The following DLGAP1 variants were observed in gnomAD, a reference collection of about 807,000 sequenced individuals.
DLGAP1 encodes DLG associated protein 1, also known as disks large-associated protein 1.
Under a neutral mutation model 90.8 loss-of-function variants are expected in DLGAP1, and 11 were observed. That is an observed-to-expected ratio of 0.12 (90% CI 0.08 to 0.20). The LOEUF is 0.20. Ranked by LOEUF, DLGAP1 falls within the 10% of genes least tolerant of loss-of-function variation. The pLI is 1.00. For missense variants in DLGAP1, 1,050 were observed against 1,333.8 expected (o/e 0.79, Z 3.31); for synonymous variants, 558 against 540.7 (o/e 1.03, Z -0.44).
intron 1 of DLGAP1, among the ~76,000 whole-genome samples, chr18:4,302,005 A>T (rs953023248): frequency 6.6e-6 from 1 of 151,964 alleles, no homozygotes; most frequent in Non-Finnish European, 1.5e-5. Context: ...CTTGCTATTG[A>T]ATTGTTTGAG....
In DLGAP1 at chr18:3,639,903, C is replaced by T. The variant is rs1211263893; in HGVS notation, c.1592-57655G>A. On this transcript the variant is annotated intron_variant, in intron 7 of 12. Transcript: ENST00000315677. Reference sequence around the variant, plus strand: ...CGGAGCAGCTGGGACTACAGGCGCCCGCCACCACACCCGGCTAATTTTTTG... The same window carrying T: ...CGGAGCAGCTGGGACTACAGGCGCCTGCCACCACACCCGGCTAATTTTTTG... Among the ~76,000 whole-genome samples the T allele has an allele frequency of 1.7e-4, 25 of 145,282 alleles. 2 individuals are homozygous for T. The highest frequency in any genetic ancestry group is 9.7e-4 in the East Asian group (5 of 5,146).
intron 11 of DLGAP1, among the ~76,000 whole-genome samples, chr18:3,506,099 G>A (rs2143729316): frequency 6.6e-6 from 1 of 152,192 alleles, no homozygotes; most frequent in East Asian, 1.9e-4. Flanking sequence ...TTAGCTGGGT[G>A]TGGTGGCGGG....
intron 7 of DLGAP1, among the ~76,000 whole-genome samples, chr18:3,627,603 A>C (rs1274104511): frequency 1.3e-5 from 2 of 152,108 alleles, no homozygotes; most frequent in African/African-American, 4.8e-5. Context: ...AATTTGAAAA[A>C]ACATACAGTA....
chr18:3,741,020 C>CCACCACCACCACCACCATCACAT (rs2062910692), intron 6 of DLGAP1, among the ~76,000 whole-genome samples: 1 of 74,984 alleles, frequency 1.3e-5, no homozygotes, highest in Non-Finnish European at 2.8e-5. Context: ...ACCACCATCA[C>CCACCACCACCACCACCATCACAT]CACCACCACC....
At chr18:3,543,986 AAAACAAAC>A (rs142786745) in intron 9 of DLGAP1, among the ~76,000 whole-genome samples, 68,500 of 151,532 alleles carry the variant, frequency 0.45, 19,240 homozygotes, top group African/African-American at 0.8. Context: ...TCCTCTTTAG[AAAACAAAC>A]AAACAAACAA....
At chr18:4,260,806 A>G (rs2078988066) in intron 1 of DLGAP1, among the ~76,000 whole-genome samples, 1 of 152,226 alleles carries the variant, frequency 6.6e-6, no homozygotes, top group Non-Finnish European at 1.5e-5. Flanking sequence ...GGAACTAATA[A>G]TAAGACATGG....
intron 7 of DLGAP1, among the ~76,000 whole-genome samples, chr18:3,723,383 T>C (rs2062045370): frequency 6.6e-6 from 1 of 152,220 alleles, no homozygotes. Flanking sequence ...ATAGCAATGC[T>C]ATTTTCCCTA....
intron 4 of DLGAP1, among the ~76,000 whole-genome samples, chr18:3,871,951 A>G (rs1450846660): frequency 6.6e-6 from 1 of 152,234 alleles, no homozygotes; most frequent in Non-Finnish European, 1.5e-5. Context: ...TGATATCACA[A>G]GCCTGATTTT....
chr18:4,233,718 A>T (rs1359638087), intron 1 of DLGAP1, among the ~76,000 whole-genome samples: 1 of 151,752 alleles, frequency 6.6e-6, no homozygotes, highest in Non-Finnish European at 1.5e-5. Context: ...ATATGTTAAA[A>T]CCCCCTCAGA....
chr18:4,218,759 C>T (rs1042177284), intron 1 of DLGAP1, among the ~76,000 whole-genome samples: 2 of 151,616 alleles, frequency 1.3e-5, no homozygotes, highest in African/African-American at 4.8e-5. Flanking sequence ...ATAATATCCT[C>T]CAGGTTAAGG....
At chr18:4,212,629 TC>T (rs1396721525) in intron 1 of DLGAP1, among the ~76,000 whole-genome samples, 11 of 57,500 alleles carry the variant, frequency 1.9e-4, no homozygotes, top group African/African-American at 4.6e-4. Context: ...AGACTCCATC[TC>T]AAAAAAAAAA....
At chr18:4,304,792 G>A (rs747503449) in intron 1 of DLGAP1, among the ~76,000 whole-genome samples, 5 of 152,188 alleles carry the variant, frequency 3.3e-5, no homozygotes, top group East Asian at 1.9e-4. Context: ...TTAGCTGGGC[G>A]CGGTGGCGGG....
At chr18:4,060,939 G>C (rs1004474888) in intron 2 of DLGAP1, among the ~76,000 whole-genome samples, 1 of 152,088 alleles carries the variant, frequency 6.6e-6, no homozygotes, top group Non-Finnish European at 1.5e-5. Flanking sequence ...AGGTTATTAG[G>C]CCTACTAAAT....
At chr18:4,206,430 G>C (rs904952764) in intron 1 of DLGAP1, among the ~76,000 whole-genome samples, 4 of 152,090 alleles carry the variant, frequency 2.6e-5, no homozygotes, top group African/African-American at 9.7e-5. Context: ...AAGGAACTAT[G>C]CCAGCTGAGG....
At chr18:4,040,119 G>T (rs1464477127) in intron 2 of DLGAP1, among the ~76,000 whole-genome samples, 2 of 152,160 alleles carry the variant, frequency 1.3e-5, no homozygotes, top group Non-Finnish European at 2.9e-5. Flanking sequence ...GTAGCCTAAT[G>T]GTTAAGAGTT....
chr18:3,748,171 G>T (rs1197653296), intron 5 of DLGAP1, among the ~76,000 whole-genome samples: 5 of 152,194 alleles, frequency 3.3e-5, no homozygotes, highest in African/African-American at 1.2e-4. Context: ...GGGAGATTTT[G>T]ATTTTTTGGG....
At chr18:4,314,509 C>T (rs147636704) in intron 1 of DLGAP1, among the ~76,000 whole-genome samples, 15 of 152,142 alleles carry the variant, frequency 9.9e-5, no homozygotes, top group East Asian at 9.7e-4. Flanking sequence ...GTTTCTACAA[C>T]GGTAATTAAA....
intron 4 of DLGAP1, among the ~76,000 whole-genome samples, chr18:3,859,142 G>A (rs769517873): frequency 1.4e-4 from 22 of 152,138 alleles, no homozygotes; most frequent in Non-Finnish European, 2.9e-4. Context: ...TTCAAATAGT[G>A]ATTTGAATGG....
intron 8 of DLGAP1, 93 bp downstream of exon 8, chr18:3,581,782 G>A: frequency 1.3e-6 from 2 of 1,518,564 alleles, no homozygotes; most frequent in Non-Finnish European, 8.9e-7. Context: ...ATGATTCCAA[G>A]CGGCAAGAAA....
Sources: allele counts gnomAD v4.1 joint callset (sites outside exome capture counted in the v4.1 genomes callset), GRCh38; gene constraint gnomAD v4.1.1; transcripts MANE v1.5; gene names NCBI Gene and HGNC (gene_info 2026-07-23, HGNC 2026-07-21).